ALG14: variants seen among roughly 807,000 people sequenced by gnomAD.
ALG14 encodes the protein UDP-N-acetylglucosamine transferase subunit ALG14.
Under a neutral mutation model 22.8 loss-of-function variants are expected in ALG14, and 17 were observed. The observed-to-expected ratio is 0.75, with a 90% CI of 0.51 to 1.12. The LOEUF (loss-of-function observed/expected upper bound fraction) is 1.12, where lower values mean the gene tolerates loss of function less well. Ranked by LOEUF, ALG14 falls within the 50% of genes most tolerant of loss-of-function variation. ALG14 has a pLI of 0.00. For missense variants in ALG14, 288 were observed against 271.8 expected (o/e 1.06, Z -0.42); for synonymous variants, 89 against 103.7 (o/e 0.86, Z 0.86).
At chr1:95,025,909 C>T (rs896130474) in intron 3 of ALG14, among the ~76,000 whole-genome samples, 21 of 152,122 alleles carry the variant, frequency 1.4e-4, no homozygotes, top group African/African-American at 4.3e-4. Flanking sequence ...ATGTACTTAT[C>T]GTGAAACCAG....
At chr1:95,056,099 A>G (rs1168615817) in intron 2 of ALG14, among the ~76,000 whole-genome samples, 6 of 152,098 alleles carry the variant, frequency 3.9e-5, no homozygotes, top group Admixed American at 1.3e-4. Flanking sequence ...GGGATAGACA[A>G]ACAAACCAGT....
Position 95,061,004 on chromosome 1 carries a change from A to G in ALG14, c.288+3862T>C, listed in dbSNP as rs151036242. ...AGGCATGTGAAGACAGAGATACAGA[A>G]AAGGTCATATGATGGTGGAAGCCGA... is the stretch of plus-strand genomic sequence containing the variant. On this transcript the variant is annotated intron_variant, in intron 2 of 3. Coordinates refer to ENST00000370205, the MANE Select transcript of ALG14 (RefSeq NM_144988.4). Among the ~76,000 whole-genome samples the G allele has an allele frequency of 1.1e-3, 175 of 152,292 alleles. 1 individual carries two copies. Among genetic ancestry groups the G allele is most frequent in the Middle Eastern group, 6.8e-3 (2 of 294 alleles).
chr1:95,013,647 A>C (rs2100752598), intron 3 of ALG14, among the ~76,000 whole-genome samples: 1 of 152,272 alleles, frequency 6.6e-6, no homozygotes, highest in East Asian at 1.9e-4. Flanking sequence ...ATAAAAATAC[A>C]GCAACCAGGA....
chr1:95,011,940 A>G (rs1673375952), intron 3 of ALG14, among the ~76,000 whole-genome samples: 2 of 152,206 alleles, frequency 1.3e-5, no homozygotes, highest in Non-Finnish European at 2.9e-5. Flanking sequence ...CTTGAATTGT[A>G]GCTCCTATAA....
At chr1:95,046,428 A>C (rs1005880671) in intron 2 of ALG14, among the ~76,000 whole-genome samples, 3 of 152,176 alleles carry the variant, frequency 2.0e-5, no homozygotes, top group Non-Finnish European at 2.9e-5. Flanking sequence ...TGCACTCCTT[A>C]AGAGAATCTA....
At chr1:95,060,296 T>A (rs1190549394) in intron 2 of ALG14, among the ~76,000 whole-genome samples, 2 of 152,082 alleles carry the variant, frequency 1.3e-5, no homozygotes, top group African/African-American at 4.8e-5. Flanking sequence ...CTTTTAGGAA[T>A]GGAGCAGAAT....
intron 3 of ALG14, among the ~76,000 whole-genome samples, chr1:94,989,224 C>T (rs1231129652): frequency 1.3e-5 from 2 of 152,162 alleles, no homozygotes; most frequent in South Asian, 2.1e-4. Context: ...TTTAATTTTG[C>T]GTTAAACTAT....
chr1:95,042,646 C>G (rs1220266330), intron 2 of ALG14, among the ~76,000 whole-genome samples: 2 of 152,236 alleles, frequency 1.3e-5, no homozygotes, highest in Non-Finnish European at 2.9e-5. Context: ...ATTTGAGACA[C>G]TGCTCCACTG....
At chr1:95,008,050 T>C (rs2100745423) in intron 3 of ALG14, among the ~76,000 whole-genome samples, 1 of 152,222 alleles carries the variant, frequency 6.6e-6, no homozygotes, top group East Asian at 1.9e-4. Flanking sequence ...GCTAGACATC[T>C]ATTTTTGTTT....
chr1:95,028,432 CA>C (rs1241403138), intron 2 of ALG14, among the ~76,000 whole-genome samples: 3 of 152,274 alleles, frequency 2.0e-5, no homozygotes, highest in African/African-American at 7.2e-5. Flanking sequence ...CTTCTGGGCT[CA>C]AGTGATCTAC....
intron 2 of ALG14, among the ~76,000 whole-genome samples, chr1:95,028,567 G>A (rs1045460583): frequency 1.3e-5 from 2 of 152,072 alleles, no homozygotes; most frequent in African/African-American, 2.4e-5. Context: ...CCTGTAATGC[G>A]AGCACTCTGG....
intron 2 of ALG14, among the ~76,000 whole-genome samples, chr1:95,038,716 G>GTTT (rs71097229): frequency 1.6e-4 from 20 of 121,466 alleles, no homozygotes; most frequent in African/African-American, 2.2e-4. Context: ...AAACTATAAG[G>GTTT]TTTTTTTTTT....
intron 3 of ALG14, among the ~76,000 whole-genome samples, chr1:95,018,892 A>G (rs2100759385): frequency 6.6e-6 from 1 of 152,396 alleles, no homozygotes; most frequent in Admixed American, 6.5e-5. Flanking sequence ...AACAAGGTTT[A>G]TCTACAAAAT....
intron 3 of ALG14, among the ~76,000 whole-genome samples, chr1:94,985,189 G>A (rs553722207): frequency 7.3e-6 from 1 of 137,718 alleles, no homozygotes; most frequent in East Asian, 2.3e-4. Context: ...GTCTTTCAGG[G>A]TTCTATAACT....
At chr1:95,003,811 T>A (rs1380688685) in intron 3 of ALG14, among the ~76,000 whole-genome samples, 1 of 152,104 alleles carries the variant, frequency 6.6e-6, no homozygotes, top group African/African-American at 2.4e-5. Context: ...ATAGCACTTT[T>A]GTTTTCTTTT....
At chr1:95,042,853 T>G (rs1674426430) in intron 2 of ALG14, among the ~76,000 whole-genome samples, 1 of 152,194 alleles carries the variant, frequency 6.6e-6, no homozygotes, top group African/African-American at 2.4e-5. Context: ...TTTTGTTTCA[T>G]TTTGAACTTT....
intron 2 of ALG14, among the ~76,000 whole-genome samples, chr1:95,054,795 G>A (rs1423789705): frequency 1.3e-5 from 2 of 152,176 alleles, no homozygotes; most frequent in Non-Finnish European, 2.9e-5. Flanking sequence ...ATAAAAAGTT[G>A]TCTATACTCC....
In ALG14 at chr1:94,981,242, A is replaced by C. The variant is rs1021450681; in HGVS notation, c.*1834T>G. ...ACTAATACGCTCTGATACTCCAGGG[A>C]AGCAACCAGTGACTGAGATTTGAGG... On this transcript the variant is annotated 3_prime_UTR_variant, in exon 4 of 4. Transcript: ENST00000370205. 1 of 152,180 alleles carries C rather than the reference A, an allele frequency of 6.6e-6. No individual in the cohort carries two copies. The highest frequency in any genetic ancestry group is 1.5e-5 in the Non-Finnish European group (1 of 68,040). 9.4% of individuals were successfully genotyped at this position (152,180 alleles called of 1,614,324 possible).
intron 3 of ALG14, among the ~76,000 whole-genome samples, chr1:95,019,599 T>C (rs1313434945): frequency 1.3e-5 from 2 of 152,242 alleles, no homozygotes; most frequent in Non-Finnish European, 1.5e-5. Flanking sequence ...AAGGCACCAC[T>C]GAAGTTGAGA....
Sources: gnomAD v4.1 joint callset for allele counts (sites outside exome capture counted in the v4.1 genomes callset) on GRCh38, gnomAD v4.1.1 for gene constraint, MANE v1.5 for transcripts, NCBI Gene and HGNC (gene_info 2026-07-23, HGNC 2026-07-21) for gene names.